CENPC: variants seen among roughly 807,000 people sequenced by gnomAD.
The protein encoded by CENPC is CENP-C 1.
In CENPC, 63 loss-of-function variants were observed where a neutral mutation model predicts 112.1. The ratio of observed to expected loss-of-function variants is 0.56; its 90% CI spans 0.46 to 0.69. CENPC has a LOEUF of 0.69. Ranked by LOEUF, CENPC falls within the 30% of genes least tolerant of loss-of-function variation. CENPC has a pLI of 0.00. For synonymous variants in CENPC, 333 were observed against 367.6 expected (o/e 0.91, Z 1.08); for missense variants, 1,000 against 1,103.8 (o/e 0.91, Z 1.33).
intron 17 of CENPC, among the ~76,000 whole-genome samples, chr4:67,478,063 C>G (rs1724854797): frequency 6.6e-6 from 1 of 151,484 alleles, no homozygotes; most frequent in Admixed American, 6.6e-5. Context: ...TGTTAAACGA[C>G]CACACATAAG....
chr4:67,478,534 A>C (rs1468857610), intron 17 of CENPC, among the ~76,000 whole-genome samples: 1 of 152,096 alleles, frequency 6.6e-6, no homozygotes, highest in Non-Finnish European at 1.5e-5. Flanking sequence ...CCAGCACTAC[A>C]ACAACTGCTA....
chr4:67,486,968 G>GT lies in CENPC; in HGVS notation c.2670+2998dup, dbSNP rs58948980. ...ATTCAGGTTTTGTATTTGCTTTTAGGTTTTTTTTTTTTTTTTTCTTTTTTA... is the reference window on the plus strand; with the variant it reads ...ATTCAGGTTTTGTATTTGCTTTTAGGTTTTTTTTTTTTTTTTTTCTTTTTTA... On this transcript the variant is annotated intron_variant, in intron 17 of 18. Transcript: ENST00000273853. 6.4e-3 allele frequency among the ~76,000 whole-genome samples: 840 copies of GT among 131,756 alleles called. 27 individuals are homozygous for GT. Among genetic ancestry groups the GT allele is most frequent in the African/African-American group, 0.014 (486 of 35,316 alleles). 86.4% of individuals were successfully genotyped at this position (131,756 alleles called of 152,430 possible). A position where few individuals can be genotyped will look rare whatever the true frequency, so the allele number is the denominator to read the frequency against.
chr4:67,474,802 C>G, intron 18 of CENPC, 86 bp downstream of exon 18: 1 of 762,472 alleles, frequency 1.3e-6, no homozygotes, highest in Non-Finnish European at 2.3e-6. Flanking sequence ...TCATATCACA[C>G]TTCATTTTGA....
In CENPC at chr4:67,507,904, G is replaced by A. The variant is rs543709393; in HGVS notation, c.1904+910C>T. On this transcript the variant is annotated intron_variant, in intron 10 of 18. Transcript: ENST00000273853. ...GGCCTGAAAAAGTGAAACAGAATGGGTATGGGATTTCTTTATGCACTATAA... is the reference window on the plus strand; with the variant it reads ...GGCCTGAAAAAGTGAAACAGAATGGATATGGGATTTCTTTATGCACTATAA... 1.6e-3 allele frequency among the ~76,000 whole-genome samples: 242 copies of A among 152,210 alleles called. 1 individual carries two copies. Among genetic ancestry groups the A allele is most frequent in the African/African-American group, 5.6e-3 (232 of 41,538 alleles).
chr4:67,471,071 C>G lies in CENPC; in HGVS notation c.*1534G>C, dbSNP rs978319013. On this transcript the variant is annotated 3_prime_UTR_variant, in exon 19 of 19. Transcript: ENST00000273853. ...CTGCCTCCTACAATGAATGCATCCC[C>G]CATCCCACACAGAACAACCAACAGT... is the stretch of plus-strand genomic sequence containing the variant. 4 of 152,170 alleles carry G rather than the reference C, an allele frequency of 2.6e-5. No individual in the cohort carries two copies. Among genetic ancestry groups the G allele is most frequent in the Non-Finnish European group, 5.9e-5 (4 of 68,054 alleles). 9.4% of individuals were successfully genotyped at this position (152,170 alleles called of 1,614,324 possible). A position where few individuals can be genotyped will look rare whatever the true frequency, so the allele number is the denominator to read the frequency against.
chr4:67,500,374 A>G (rs1725560505), intron 12 of CENPC, among the ~76,000 whole-genome samples: 1 of 151,746 alleles, frequency 6.6e-6, no homozygotes. Flanking sequence ...GTATATATAT[A>G]TCTATTTCCT....
Position 67,518,321 on chromosome 4 carries a change from TTATC to T in CENPC, c.661_664del (p.Asp221IlefsTer46), listed in dbSNP as rs2109809460. On this transcript the variant is annotated frameshift_variant, in exon 7 of 19. Transcript: ENST00000273853. LOFTEE classifies it high-confidence loss of function. Reference sequence around the variant, plus strand: ...TTTATCCTCTTCATCTGATACTTTATTATCTATTTCTATTTTCTTTAACATAACT... The same window carrying T: ...TTTATCCTCTTCATCTGATACTTTATTATTTCTATTTTCTTTAACATAACT... The T allele has an allele frequency of 6.5e-7, 1 of 1,543,342 alleles. No individual in the cohort carries two copies. The highest frequency in any genetic ancestry group is 8.7e-7 in the Non-Finnish European group (1 of 1,145,936).
At chr4:67,479,868 G>A (rs995356109) in intron 17 of CENPC, among the ~76,000 whole-genome samples, 41 of 152,150 alleles carry the variant, frequency 2.7e-4, no homozygotes, top group African/African-American at 9.4e-4. Context: ...TTCAAGGCTC[G>A]TATGAACACC....
chr4:67,518,231 T>A lies in CENPC; in HGVS notation c.755A>T (p.Tyr252Phe), dbSNP rs772856469. Residue 252 changes from tyrosine (Y) to phenylalanine (F), a missense_variant, in exon 7 of 19, where the codon TAT (tyrosine) becomes TTT (phenylalanine). Physicochemically the swap from Tyr to Phe is conservative, Grantham distance 22 (BLOSUM62 3). Transcript: ENST00000273853. Reference sequence around the variant, plus strand: ...TTTTTTAGCTTGTCGTTGAATTTCATATTCTGAATCTCGTATTCTATTCTG... The same window carrying A: ...TTTTTTAGCTTGTCGTTGAATTTCAAATTCTGAATCTCGTATTCTATTCTG... Reference protein sequence around the residue: ...SSQNRIRDSEYEIQRQAKKSF... With the variant: ...SSQNRIRDSEFEIQRQAKKSF... The A allele has an allele frequency of 1.9e-6, 3 of 1,559,310 alleles. No homozygotes were observed. Among genetic ancestry groups the A allele is most frequent in the South Asian group, 2.4e-5 (2 of 83,282 alleles).
At chr4:67,489,297 T>C (rs1214353809) in intron 17 of CENPC, among the ~76,000 whole-genome samples, 1 of 151,372 alleles carries the variant, frequency 6.6e-6, no homozygotes, top group Non-Finnish European at 1.5e-5. Flanking sequence ...AGAAAGGAGA[T>C]AAAGAGAAAG....
At chr4:67,475,185 C>A (rs1185822265) in intron 17 of CENPC, among the ~76,000 whole-genome samples, 1 of 152,146 alleles carries the variant, frequency 6.6e-6, no homozygotes, top group Non-Finnish European at 1.5e-5. Flanking sequence ...CCAATCTAAT[C>A]ACATTAAGCC....
chr4:67,523,653 T>TAC (rs34525613), intron 5 of CENPC, among the ~76,000 whole-genome samples: 25,530 of 152,074 alleles, frequency 0.17, 2,946 homozygotes, highest in East Asian at 0.57. Flanking sequence ...TATGTGTTGA[T>TAC]ACACAAGTTA....
At chr4:67,531,484 C>T (rs945583492) in intron 4 of CENPC, among the ~76,000 whole-genome samples, 10 of 152,156 alleles carry the variant, frequency 6.6e-5, no homozygotes, top group African/African-American at 2.4e-4. Context: ...CCTCCATTAC[C>T]AACAGAGAAG....
chr4:67,478,324 A>C (rs1157431354), intron 17 of CENPC, among the ~76,000 whole-genome samples: 1 of 152,174 alleles, frequency 6.6e-6, no homozygotes, highest in Non-Finnish European at 1.5e-5. Context: ...CTATTTAAAA[A>C]AAACCTATCA....
At position 67,514,220 on chromosome 4, in the gene CENPC, T is replaced by G; in HGVS notation, c.1298A>C (p.Gln433Pro). 1 of 1,613,370 alleles carries G rather than the reference T, an allele frequency of 6.2e-7. No homozygotes were observed. The highest frequency in any genetic ancestry group is 8.5e-7 in the Non-Finnish European group (1 of 1,179,666). Residue 433 changes from glutamine (Q) to proline (P), a missense_variant, in exon 8 of 19, where the codon CAG becomes CCG. Physicochemically the swap from Gln to Pro is moderately conservative, Grantham distance 76. Coordinates refer to ENST00000273853, the MANE Select transcript of CENPC (RefSeq NM_001812.4). Reference protein sequence around the residue: ...RKFMAKPAEEQLDVGQSKDEN... With the variant: ...RKFMAKPAEEPLDVGQSKDEN... Reference sequence around the variant, plus strand: ...ATCTTTAGACTGTCCCACATCAAGCTGTTCTTCAGCTGGTTTAGCCATGAA... The same window carrying G: ...ATCTTTAGACTGTCCCACATCAAGCGGTTCTTCAGCTGGTTTAGCCATGAA...
rs553191010 is a variant in CENPC at position 67,512,327 on chromosome 4, T to C, written c.1612+75A>G. The C allele has an allele frequency of 3.8e-4, 406 of 1,067,886 alleles. 2 individuals are homozygous for C. Among genetic ancestry groups the C allele is most frequent in the South Asian group, 1.0e-3 (67 of 64,804 alleles). The allele number at this position is 1,067,886 out of a possible 1,614,324, so 66.2% of individuals were successfully genotyped here. A position where few individuals can be genotyped will look rare whatever the true frequency, so the allele number is the denominator to read the frequency against. On this transcript the variant is annotated intron_variant, in intron 9 of 18. Transcript: ENST00000273853. Reference sequence around the variant, plus strand: ...CCTCATGATATTCTCTATATAGAAATATAAAATCAAACATAATGCCCCTTA... The same window carrying C: ...CCTCATGATATTCTCTATATAGAAACATAAAATCAAACATAATGCCCCTTA...
chr4:67,471,237 A>G lies in CENPC; in HGVS notation c.*1368T>C, dbSNP rs770303606. 4.6e-5 allele frequency: 7 copies of G among 152,258 alleles called. No individual in the cohort carries two copies. The highest frequency in any genetic ancestry group is 8.8e-5 in the Non-Finnish European group (6 of 68,052). The allele number at this position is 152,258 out of a possible 1,614,324, so 9.4% of individuals were successfully genotyped here. A position where few individuals can be genotyped will look rare whatever the true frequency, so the allele number is the denominator to read the frequency against. ...AATAAAGAACTTAAAAACTGAGCACAGACAGCAATAACTTCACATCATATA... is the reference window on the plus strand; with the variant it reads ...AATAAAGAACTTAAAAACTGAGCACGGACAGCAATAACTTCACATCATATA... On this transcript the variant is annotated 3_prime_UTR_variant, in exon 19 of 19. Transcript: ENST00000273853.
chr4:67,479,161 C>T (rs924979389), intron 17 of CENPC, among the ~76,000 whole-genome samples: 6 of 152,092 alleles, frequency 3.9e-5, no homozygotes, highest in African/African-American at 1.4e-4. Context: ...GTAAACAGGT[C>T]ATCAAGACAG....
chr4:67,542,804 C>T (rs755655570), intron 2 of CENPC, among the ~76,000 whole-genome samples: 14 of 152,114 alleles, frequency 9.2e-5, no homozygotes, highest in Non-Finnish European at 7.4e-5. Flanking sequence ...CCCCAAAATA[C>T]CACCTACAGG....
Sources: gnomAD v4.1 joint callset for allele counts (sites outside exome capture counted in the v4.1 genomes callset) on GRCh38, gnomAD v4.1.1 for gene constraint, MANE v1.5 for transcripts, NCBI Gene and HGNC (gene_info 2026-07-23, HGNC 2026-07-21) for gene names.